Variants in FAM124B observed in about 807,000 individuals in gnomAD.
FAM124B encodes family with sequence similarity 124 member B, also known as protein FAM124B.
In FAM124B, 18 loss-of-function variants were observed where a neutral mutation model predicts 19.7. The ratio of observed to expected loss-of-function variants is 0.92; its 90% CI spans 0.63 to 1.36. The LOEUF (loss-of-function observed/expected upper bound fraction) is 1.36. Ranked by LOEUF, FAM124B falls within the 40% of genes most tolerant of loss-of-function variation. FAM124B has a pLI of 0.00. For missense variants in FAM124B, 540 were observed against 553.3 expected (o/e 0.98, Z 0.24); for synonymous variants, 223 against 225.2 (o/e 0.99, Z 0.09).
At chr2:224,394,066 A>G (rs1689930180) in intron 1 of FAM124B, among the ~76,000 whole-genome samples, 1 of 152,154 alleles carries the variant, frequency 6.6e-6, no homozygotes, top group African/African-American at 2.4e-5. Context: ...AAAGCCACCA[A>G]GCGACATTGA....
In FAM124B at chr2:224,401,435, CA is replaced by C; in HGVS notation, c.333del (p.Phe111LeufsTer18). ...DTRGRLCPYF[F>X]ANQEFYSLDS... ...TCCAGGCTGTAGAACTCCTGATTGG[CA>C]AAAAAGTAGGGACACAGCCTTCCCC... On this transcript the variant is annotated frameshift_variant, in exon 1 of 2. Coordinates refer to ENST00000409685, the MANE Select transcript of FAM124B (RefSeq NM_001122779.2). LOFTEE classifies it high-confidence loss of function. The C allele has an allele frequency of 6.2e-6, 10 of 1,613,866 alleles. No individual in the cohort carries two copies. Among genetic ancestry groups the C allele is most frequent in the Non-Finnish European group, 8.5e-6 (10 of 1,179,930 alleles).
At chr2:224,389,249 G>C (rs1574573268) in intron 1 of FAM124B, among the ~76,000 whole-genome samples, 1 of 152,196 alleles carries the variant, frequency 6.6e-6, no homozygotes, top group East Asian at 1.9e-4. Context: ...GGAGATTCTA[G>C]TAGGGGTCTG....
chr2:224,393,783 C>A (rs1263148055), intron 1 of FAM124B, among the ~76,000 whole-genome samples: 1 of 152,224 alleles, frequency 6.6e-6, no homozygotes. Flanking sequence ...GCCTAGAATT[C>A]TTTGGGGGGT....
chr2:224,389,629 G>A (rs777336098), intron 1 of FAM124B, among the ~76,000 whole-genome samples: 49 of 152,234 alleles, frequency 3.2e-4, no homozygotes, highest in Non-Finnish European at 5.7e-4. Context: ...AGTCGGGGGC[G>A]GGGAGAGGAG....
At chr2:224,392,596 A>C (rs1305429112) in intron 1 of FAM124B, among the ~76,000 whole-genome samples, 3 of 152,120 alleles carry the variant, frequency 2.0e-5, no homozygotes, top group African/African-American at 4.8e-5. Flanking sequence ...CTCTACAAAA[A>C]ATACAAAAAT....
Position 224,379,395 on chromosome 2 carries a change from A to G in FAM124B, c.*178T>C, listed in dbSNP as rs559781561. 7 of 916,180 alleles carry G rather than the reference A, an allele frequency of 7.6e-6. No individual in the cohort carries two copies. The African/African-American group carries it at 1.2e-4, about 15-fold the overall frequency. 56.8% of individuals were successfully genotyped at this position (916,180 alleles called of 1,614,324 possible). A position where few individuals can be genotyped will look rare whatever the true frequency, so the allele number is the denominator to read the frequency against. On this transcript the variant is annotated 3_prime_UTR_variant, in exon 2 of 2. Transcript: ENST00000409685. ...CTCTTATGACTGTGACGGCAAATAA[A>G]CAATCATTCCCAGCACCTTTAGACT...
At chr2:224,388,483 T>C (rs1288898317) in intron 1 of FAM124B, among the ~76,000 whole-genome samples, 1 of 152,126 alleles carries the variant, frequency 6.6e-6, no homozygotes, top group Admixed American at 6.5e-5. Flanking sequence ...GAGACAAATA[T>C]TGTATGATTT....
rs1356108375 is a variant in FAM124B, at chr2:224,380,062, A to G, written c.879T>C (p.His293=). Residue 293 remains histidine, a synonymous_variant, in exon 2 of 2, where the codon CAT becomes CAC. Transcript: ENST00000409685. Reference sequence around the variant, plus strand: ...CACTGGGCTCAGGAAGCTCCAGAGAATGCCCCTGGGACCTCTTGCCCTGGT... The same window carrying G: ...CACTGGGCTCAGGAAGCTCCAGAGAGTGCCCCTGGGACCTCTTGCCCTGGT... ...QRNQGKRSQG[H]SLELPEPSGS... 1 of 1,551,648 alleles carries G rather than the reference A, an allele frequency of 6.4e-7. No homozygotes were observed. Among genetic ancestry groups the G allele is most frequent in the Admixed American group, 2.0e-5 (1 of 50,994 alleles).
chr2:224,401,409 G>T lies in FAM124B; in HGVS notation c.360C>A (p.Asp120Glu). The change falls in exon 1 of 2, where the codon GAC (aspartate) becomes GAA (glutamate). Residue 120 changes from aspartate to glutamate, a missense_variant. By Grantham distance (45) the Asp-to-Glu change is conservative. Coordinates refer to ENST00000409685, the MANE Select transcript of FAM124B (RefSeq NM_001122779.2). ...TCACCCCCCAGATGGGCAGCTGACT[G>T]TCCAGGCTGTAGAACTCCTGATTGG... is the stretch of plus-strand genomic sequence containing the variant. ...FFANQEFYSL[D>E]SQLPIWGVRQ... 6.2e-7 allele frequency: 1 copy of T among 1,614,128 alleles called. No individual in the cohort carries two copies. The highest frequency in any genetic ancestry group is 8.5e-7 in the Non-Finnish European group (1 of 1,180,026).
intron 1 of FAM124B, among the ~76,000 whole-genome samples, chr2:224,381,915 A>C (rs190193852): frequency 6.0e-4 from 92 of 152,374 alleles, no homozygotes; most frequent in Middle Eastern, 3.4e-3. Context: ...AAGAAGGCAG[A>C]AATGAGGACA....
At chr2:224,398,555 C>T (rs1472796595) in intron 1 of FAM124B, among the ~76,000 whole-genome samples, 2 of 152,218 alleles carry the variant, frequency 1.3e-5, no homozygotes, top group Non-Finnish European at 2.9e-5. Flanking sequence ...GGCGATCTCT[C>T]ACTCTGTTTG....
chr2:224,394,959 C>T (rs1380999420), intron 1 of FAM124B, among the ~76,000 whole-genome samples: 1 of 152,196 alleles, frequency 6.6e-6, no homozygotes, highest in African/African-American at 2.4e-5. Context: ...AACACCCACC[C>T]AAAGGCTAAC....
At chr2:224,384,489 T>C (rs1689771558) in intron 1 of FAM124B, among the ~76,000 whole-genome samples, 1 of 152,170 alleles carries the variant, frequency 6.6e-6, no homozygotes, top group Admixed American at 6.5e-5. Context: ...TTTCTGAACA[T>C]GTGTTCAGGA....
chr2:224,399,117 CA>C (rs1690021783), intron 1 of FAM124B, among the ~76,000 whole-genome samples: 1 of 152,200 alleles, frequency 6.6e-6, no homozygotes, highest in Admixed American at 6.5e-5. Context: ...CTACACTCCC[CA>C]AATGTGACTC....
chr2:224,392,719 C>T lies in FAM124B; in HGVS notation c.732+8318G>A, dbSNP rs575102031. On this transcript the variant is annotated intron_variant, in intron 1 of 1. Coordinates refer to ENST00000409685, the MANE Select transcript of FAM124B (RefSeq NM_001122779.2). ...GCAATGAGCCGAGATCACACTACTG[C>T]ACTTCAGTCTGGGCAACAGACCAAG... 1.8e-4 allele frequency among the ~76,000 whole-genome samples: 27 copies of T among 151,694 alleles called. No homozygotes were observed. The East Asian group carries it at 5.1e-3, about 28-fold the overall frequency.
In FAM124B at chr2:224,401,488, C is replaced by T; in HGVS notation, c.281G>A (p.Trp94Ter). The T allele has an allele frequency of 6.2e-7, 1 of 1,614,134 alleles. No homozygotes were observed. Among genetic ancestry groups the T allele is most frequent in the Non-Finnish European group, 8.5e-7 (1 of 1,180,016 alleles). Residue 94 changes from tryptophan (W) to a stop codon, truncating the protein, a stop_gained, in exon 1 of 2, where the codon TGG becomes TAG. Transcript: ENST00000409685. LOFTEE classifies it high-confidence loss of function. ...AGTGTCCTGGGTGGGGTAGCACTGC[C>T]ATGGCGAATGCTGGAGAGAGTCCAG... The part of the protein sequence containing the change: ...RVLDSLQHSP[W>*]QCYPTQDTRG...
chr2:224,391,588 A>G (rs1689889865), intron 1 of FAM124B, among the ~76,000 whole-genome samples: 3 of 152,210 alleles, frequency 2.0e-5, no homozygotes, highest in South Asian at 2.1e-4. Context: ...TAAACAATCA[A>G]TTCTATGTGC....
intron 1 of FAM124B, among the ~76,000 whole-genome samples, chr2:224,391,585 T>C (rs1689889820): frequency 6.6e-6 from 1 of 152,194 alleles, no homozygotes; most frequent in African/African-American, 2.4e-5. Flanking sequence ...TTTTAAACAA[T>C]CAATTCTATG....
At chr2:224,388,337 A>G (rs7573745) in intron 1 of FAM124B, among the ~76,000 whole-genome samples, 8,751 of 152,292 alleles carry the variant, frequency 0.057, 797 homozygotes, top group African/African-American at 0.19. Flanking sequence ...TGGATAAGGA[A>G]TAGTTCAGGC....
Sources: allele counts gnomAD v4.1 joint callset (sites outside exome capture counted in the v4.1 genomes callset), GRCh38; gene constraint gnomAD v4.1.1; transcripts MANE v1.5; gene names NCBI Gene and HGNC (gene_info 2026-07-23, HGNC 2026-07-21).